Variants in NLGN1 observed in about 807,000 individuals in gnomAD.
The protein encoded by NLGN1 is neuroligin-1.
A neutral mutation model predicts 65.5 loss-of-function variants in NLGN1; 12 were observed. The observed-to-expected ratio is 0.18, with a 90% confidence interval of 0.12 to 0.30. The LOEUF (loss-of-function observed/expected upper bound fraction) is 0.30, where lower values mean the gene tolerates loss of function less well. Among genes scored for constraint, NLGN1 ranks in the 10% least tolerant of loss-of-function variants. The pLI, the probability that NLGN1 is intolerant of heterozygous loss-of-function variation, is 1.00. For synonymous variants in NLGN1, 350 were observed against 359.5 expected (o/e 0.97, Z 0.30); for missense variants, 750 against 1,007.1 (o/e 0.74, Z 3.46).
intron 2 of NLGN1, among the ~76,000 whole-genome samples, chr3:173,466,173 A>G (rs1183418215): frequency 2.0e-5 from 3 of 152,140 alleles, no homozygotes; most frequent in South Asian, 4.1e-4. Context: ...TGGTATAGAG[A>G]CACTGTCTTA....
intron 4 of NLGN1, among the ~76,000 whole-genome samples, chr3:173,827,125 C>T (rs1266463802): frequency 2.0e-5 from 3 of 151,910 alleles, no homozygotes; most frequent in Admixed American, 6.6e-5. Flanking sequence ...GGGGACAGAA[C>T]GTTCTAGGAG....
intron 3 of NLGN1, among the ~76,000 whole-genome samples, chr3:173,799,924 A>T (rs1715039979): frequency 6.6e-6 from 1 of 151,802 alleles, no homozygotes; most frequent in African/African-American, 2.4e-5. Context: ...TGTTGCCACC[A>T]ATTTAAATTA....
In NLGN1 at chr3:174,152,703, G is replaced by A. The variant is rs145781748; in HGVS notation, c.647-122612G>A. On this transcript the variant is annotated intron_variant, in intron 4 of 6. Transcript: ENST00000457714. Reference sequence around the variant, plus strand: ...GTACTTTGCTTATTAAACATATTAGGTTTAAAGGACATATCATTTAGGCTG... The same window carrying A: ...GTACTTTGCTTATTAAACATATTAGATTTAAAGGACATATCATTTAGGCTG... 3.8e-3 allele frequency among the ~76,000 whole-genome samples: 577 copies of A among 151,808 alleles called. 2 individuals are homozygous for A. The highest frequency in any genetic ancestry group is 0.011 in the African/African-American group (476 of 41,416).
chr3:174,234,985 CT>C (rs748911027), intron 4 of NLGN1, among the ~76,000 whole-genome samples: 74 of 65,708 alleles, frequency 1.1e-3, no homozygotes, highest in African/African-American at 4.3e-3. Flanking sequence ...AAGGAATCAC[CT>C]TTTTTTTTTT....
chr3:173,860,704 T>C (rs2150797936), intron 4 of NLGN1, among the ~76,000 whole-genome samples: 2 of 152,298 alleles, frequency 1.3e-5, no homozygotes, highest in Middle Eastern at 6.8e-3. Flanking sequence ...TAGTCTGTAA[T>C]AAAGAGAACT....
intron 1 of NLGN1, among the ~76,000 whole-genome samples, chr3:173,429,626 C>T (rs1023892855): frequency 3.9e-5 from 6 of 152,166 alleles, no homozygotes; most frequent in African/African-American, 1.4e-4. Context: ...TTGGTTTGGT[C>T]TTTCTAGAGT....
intron 2 of NLGN1, among the ~76,000 whole-genome samples, chr3:173,518,888 C>T (rs138596990): frequency 1.1e-4 from 17 of 152,232 alleles, no homozygotes; most frequent in African/African-American, 3.6e-4. Flanking sequence ...GGAAAGGCCT[C>T]GATGGCATTT....
intron 3 of NLGN1, among the ~76,000 whole-genome samples, chr3:173,804,323 A>G (rs530160182): frequency 5.9e-5 from 9 of 152,250 alleles, no homozygotes; most frequent in Non-Finnish European, 1.3e-4. Context: ...TTGTGATTTT[A>G]GTAAAGTCAG....
intron 4 of NLGN1, among the ~76,000 whole-genome samples, chr3:173,978,076 G>C (rs1717916012): frequency 1.3e-5 from 2 of 152,074 alleles, no homozygotes; most frequent in Non-Finnish European, 2.9e-5. Flanking sequence ...CAGTGTTTAT[G>C]AGAGATAAGG....
intron 4 of NLGN1, among the ~76,000 whole-genome samples, chr3:174,169,901 T>C (rs1257480871): frequency 2.0e-5 from 3 of 152,162 alleles, no homozygotes; most frequent in African/African-American, 7.2e-5. Context: ...AGCCTCTCCC[T>C]AAGTAAATTC....
At chr3:173,535,335 ATGT>A (rs1737260277) in intron 2 of NLGN1, among the ~76,000 whole-genome samples, 1 of 152,096 alleles carries the variant, frequency 6.6e-6, no homozygotes, top group African/African-American at 2.4e-5. Context: ...GGCACTTTTG[ATGT>A]TGTGAAAAAT....
chr3:173,818,217 AG>A (rs1288005653), intron 4 of NLGN1, among the ~76,000 whole-genome samples: 1 of 152,182 alleles, frequency 6.6e-6, no homozygotes, highest in Non-Finnish European at 1.5e-5. Context: ...CCTCAGAGTG[AG>A]TGAGAAAAAA....
chr3:174,033,932 G>A, intron 4 of NLGN1, among the ~76,000 whole-genome samples: 1 of 152,078 alleles, frequency 6.6e-6, no homozygotes, highest in East Asian at 1.9e-4. Context: ...GTGACAGACA[G>A]CAAACCACAG....
At chr3:173,457,807 T>C (rs1722748309) in intron 2 of NLGN1, among the ~76,000 whole-genome samples, 1 of 152,064 alleles carries the variant, frequency 6.6e-6, no homozygotes, top group Non-Finnish European at 1.5e-5. Flanking sequence ...TAAAGATAAT[T>C]CCAGGTCTTT....
chr3:173,598,710 T>C (rs1470323457), intron 2 of NLGN1, among the ~76,000 whole-genome samples: 1 of 152,184 alleles, frequency 6.6e-6, no homozygotes, highest in Admixed American at 6.6e-5. Flanking sequence ...AAAAAAGCCT[T>C]TTACTTTTCT....
In NLGN1 at chr3:173,605,605, A is replaced by C. The variant is rs1406929009; in HGVS notation, c.493+514A>C. ...ATGTAGAAAAGGAGGTATGTATAAA[A>C]GTGGAAATTAAAAATGGGGGAAAAA... On this transcript the variant is annotated intron_variant, in intron 3 of 6. Transcript: ENST00000457714. 7.9e-7 allele frequency: 1 copy of C among 1,262,540 alleles called. No individual in the cohort carries two copies. Among genetic ancestry groups the C allele is most frequent in the Admixed American group, 2.3e-5 (1 of 43,462 alleles). The allele number at this position is 1,262,540 out of a possible 1,614,324, so 78.2% of individuals were successfully genotyped here.
At position 174,094,342 on chromosome 3, in the gene NLGN1, G is replaced by T. The variant is rs115099555; in HGVS notation, c.647-180973G>T. Among the ~76,000 whole-genome samples, 963 of 152,164 alleles carry T rather than the reference G, an allele frequency of 6.3e-3. 10 individuals carry two copies. Among genetic ancestry groups the T allele is most frequent in the African/African-American group, 0.022 (906 of 41,510 alleles). Reference sequence around the variant, plus strand: ...TTAAATACTCATTATCTTATATAGAGACTTGTAGCTATAGAGCGAGCTTGT... The same window carrying T: ...TTAAATACTCATTATCTTATATAGATACTTGTAGCTATAGAGCGAGCTTGT... On this transcript the variant is annotated intron_variant, in intron 4 of 6. Coordinates refer to ENST00000457714, the Ensembl canonical transcript of NLGN1.
intron 4 of NLGN1, among the ~76,000 whole-genome samples, chr3:173,834,285 G>C: frequency 6.6e-6 from 1 of 152,058 alleles, no homozygotes; most frequent in Admixed American, 6.5e-5. Context: ...CATTTTGATG[G>C]TGGGCATGGC....
intron 4 of NLGN1, among the ~76,000 whole-genome samples, chr3:174,108,338 C>G (rs866233647): frequency 7.8e-4 from 119 of 152,034 alleles, no homozygotes; most frequent in African/African-American, 2.8e-3. Flanking sequence ...CTTGGTTGCC[C>G]CTTTCCTGAT....
Sources: allele counts gnomAD v4.1 joint callset (sites outside exome capture counted in the v4.1 genomes callset), GRCh38; gene constraint gnomAD v4.1.1; transcripts MANE v1.5; gene names NCBI Gene and HGNC (gene_info 2026-07-23, HGNC 2026-07-21).